ZZZ3: variants seen among roughly 807,000 people sequenced by gnomAD.
The protein encoded by ZZZ3 is zinc finger ZZ-type containing 3, also known as ZZ-type zinc finger-containing protein 3.
ZZZ3 carries 22 observed loss-of-function variants against 95.2 expected under a neutral mutation model. The observed-to-expected ratio is 0.23, with a 90% CI of 0.17 to 0.33. The LOEUF is 0.33. Ranked by LOEUF, ZZZ3 falls within the 10% of genes least tolerant of loss-of-function variation. The pLI is 1.00. For missense variants in ZZZ3, 885 were observed against 1,066.5 expected, an observed-to-expected ratio of 0.83 and a Z score of 2.37; for synonymous variants, 335 against 358.9, an observed-to-expected ratio of 0.93 and a Z score of 0.75.
chr1:77,587,553 C>T (rs928768436), intron 5 of ZZZ3, among the ~76,000 whole-genome samples: 10 of 152,170 alleles, frequency 6.6e-5, no homozygotes, highest in African/African-American at 2.4e-5. Context: ...CGTGAGCCAC[C>T]GCGCCCAGCC....
intron 6 of ZZZ3, among the ~76,000 whole-genome samples, chr1:77,583,919 G>A (rs1662797132): frequency 6.6e-6 from 1 of 152,020 alleles, no homozygotes; most frequent in South Asian, 2.1e-4. Context: ...CTTTTAAGTG[G>A]TTAAGTATTA....
intron 1 of ZZZ3, among the ~76,000 whole-genome samples, chr1:77,653,544 G>A (rs149490326): frequency 0.013 from 2,005 of 151,952 alleles, 41 homozygotes; most frequent in African/African-American, 0.047. Flanking sequence ...ACCTGAGGTC[G>A]GGAGTTCAAG....
At chr1:77,643,734 G>A (rs1037480109) in intron 1 of ZZZ3, among the ~76,000 whole-genome samples, 9 of 152,272 alleles carry the variant, frequency 5.9e-5, no homozygotes, top group African/African-American at 1.4e-4. Context: ...AAAAGACTAC[G>A]TAAATCTCAC....
At chr1:77,584,480 A>C (rs757452493) in intron 6 of ZZZ3, 37 bp downstream of exon 6, 52 of 1,566,236 alleles carry the variant, frequency 3.3e-5, no homozygotes, top group Non-Finnish European at 4.1e-5. Context: ...ATTCCCAAAT[A>C]GATCTTAGTA....
At chr1:77,630,476 A>G (rs1667707746) in intron 5 of ZZZ3, among the ~76,000 whole-genome samples, 1 of 152,118 alleles carries the variant, frequency 6.6e-6, no homozygotes, top group African/African-American at 2.4e-5. Context: ...ATGCTGTCTC[A>G]AAAAACGAAA....
chr1:77,649,174 A>T (rs564716625), intron 1 of ZZZ3, among the ~76,000 whole-genome samples: 2 of 152,268 alleles, frequency 1.3e-5, no homozygotes, highest in East Asian at 3.9e-4. Context: ...CACAAGAAAC[A>T]TGAATAAAAC....
intron 1 of ZZZ3, among the ~76,000 whole-genome samples, chr1:77,657,272 G>A (rs912674265): frequency 1.3e-5 from 2 of 152,136 alleles, no homozygotes; most frequent in Non-Finnish European, 2.9e-5. Context: ...GTGAGCCACC[G>A]CACCCAGCCT....
chr1:77,579,708 T>C, intron 9 of ZZZ3, 80 bp from the exon 10 acceptor site: 1 of 849,814 alleles, frequency 1.2e-6, no homozygotes, highest in South Asian at 1.7e-5. Context: ...TACATTCACA[T>C]TTCATTTCAA....
rs1441147857 is a variant in ZZZ3, at chr1:77,641,408, T to C, written c.-230A>G. The C allele has an allele frequency of 1.0e-5, 4 of 394,416 alleles. No individual in the cohort carries two copies. Among genetic ancestry groups the C allele is most frequent in the East Asian group, 7.2e-5 (2 of 27,830 alleles). The allele number at this position is 394,416 out of a possible 1,614,324, so 24.4% of individuals were successfully genotyped here. ...CAGCTGAGCTCTATCAGCATTAAGA[T>C]AGACAGGATCCTGCAGTGTTTCTTA... On this transcript the variant is annotated 5_prime_UTR_variant, in exon 3 of 15. Coordinates refer to ENST00000370801, the MANE Select transcript of ZZZ3 (RefSeq NM_015534.6).
chr1:77,619,687 T>C (rs1343368722), intron 5 of ZZZ3, among the ~76,000 whole-genome samples: 3 of 152,302 alleles, frequency 2.0e-5, no homozygotes, highest in Admixed American at 1.3e-4. Flanking sequence ...TATATGACCA[T>C]GTAAAAACAT....
intron 12 of ZZZ3, among the ~76,000 whole-genome samples, chr1:77,571,826 A>C (rs1661418653): frequency 6.6e-6 from 1 of 152,210 alleles, no homozygotes; most frequent in South Asian, 2.1e-4. Flanking sequence ...TCAGTCATGT[A>C]AGCTGAGAGC....
intron 5 of ZZZ3, among the ~76,000 whole-genome samples, chr1:77,624,803 C>A (rs1226246282): frequency 6.6e-6 from 1 of 152,130 alleles, no homozygotes; most frequent in African/African-American, 2.4e-5. Context: ...AACCTGAGGA[C>A]CTACCATTTG....
intron 9 of ZZZ3, 140 bp from the exon 10 acceptor site, chr1:77,579,768 A>G (rs72683639): frequency 0.017 from 8,085 of 486,272 alleles, 209 homozygotes; most frequent in South Asian, 0.1. Context: ...AGAAATCCTC[A>G]TGGTAGGAAA....
intron 5 of ZZZ3, among the ~76,000 whole-genome samples, chr1:77,612,037 C>T (rs1357024880): frequency 6.6e-6 from 1 of 151,820 alleles, no homozygotes; most frequent in African/African-American, 2.4e-5. Context: ...AAAAGGCAAC[C>T]TACAAAGAAG....
chr1:77,679,433 G>A (rs1446740463), intron 1 of ZZZ3, among the ~76,000 whole-genome samples: 2 of 152,080 alleles, frequency 1.3e-5, no homozygotes, highest in Non-Finnish European at 2.9e-5. Context: ...AGCCTCCCAA[G>A]TAGCTGGTAC....
intron 5 of ZZZ3, among the ~76,000 whole-genome samples, chr1:77,608,460 A>G (rs1665465132): frequency 6.6e-6 from 1 of 152,212 alleles, no homozygotes; most frequent in Non-Finnish European, 1.5e-5. Flanking sequence ...CAAAATCTGA[A>G]GGATTTCATC....
chr1:77,609,418 T>G (rs187984223), intron 5 of ZZZ3, among the ~76,000 whole-genome samples: 2 of 152,186 alleles, frequency 1.3e-5, no homozygotes, highest in African/African-American at 4.8e-5. Context: ...AAGAGAGAGA[T>G]AGACCCCAAT....
chr1:77,584,481 G>A (rs200300977), intron 6 of ZZZ3, 36 bp downstream of exon 6: 9 of 1,568,800 alleles, frequency 5.7e-6, no homozygotes, highest in East Asian at 2.3e-5. Context: ...TTCCCAAATA[G>A]ATCTTAGTAA....
At chr1:77,663,382 A>G (rs961405278) in intron 1 of ZZZ3, among the ~76,000 whole-genome samples, 4 of 152,280 alleles carry the variant, frequency 2.6e-5, no homozygotes, top group East Asian at 3.9e-4. Context: ...TCTACCCTGT[A>G]GAACAACTCA....
Sources: gnomAD v4.1 joint callset for allele counts (sites outside exome capture counted in the v4.1 genomes callset) on GRCh38, gnomAD v4.1.1 for gene constraint, MANE v1.5 for transcripts, NCBI Gene and HGNC (gene_info 2026-07-23, HGNC 2026-07-21) for gene names.